TLK1: variants seen among roughly 807,000 people sequenced by gnomAD.
TLK1 encodes the protein tousled like kinase 1.
In TLK1, 24 loss-of-function variants were observed where a neutral mutation model predicts 105.3. The ratio of observed to expected loss-of-function variants is 0.23; its 90% confidence interval spans 0.17 to 0.32. The LOEUF (loss-of-function observed/expected upper bound fraction) is 0.32. TLK1 is among the 10% of genes least tolerant of loss of function. TLK1 has a pLI of 1.00. For missense variants in TLK1, 558 were observed against 910.5 expected (o/e 0.61, Z 4.98); for synonymous variants, 321 against 310.4 (o/e 1.03, Z -0.36).
Position 171,046,378 on chromosome 2 carries a change from C to T in TLK1, c.981-16G>A, listed in dbSNP as rs765465225. 4 of 1,571,714 alleles carry T rather than the reference C, an allele frequency of 2.5e-6. No individual in the cohort carries two copies. Among genetic ancestry groups the T allele is most frequent in the East Asian group, 4.5e-5 (2 of 44,298 alleles). The stretch of plus-strand genomic sequence containing the variant: ...TTCTTGTTGCCTGTGTAAAAATAAA[C>T]AAATAAAACCATATTAACCTTCCAT... On this transcript the variant is annotated splice_polypyrimidine_tract_variant and intron_variant, in intron 10 of 20. Transcript: ENST00000431350.
intron 1 of TLK1, among the ~76,000 whole-genome samples, chr2:171,170,257 A>G (rs1692701575): frequency 6.6e-6 from 1 of 152,254 alleles, no homozygotes. Context: ...AATAAATTAG[A>G]AAAAGCATTA....
chr2:171,160,320 G>C lies in TLK1; in HGVS notation c.109C>G (p.His37Asp), dbSNP rs1390770782. ...SAAAARSLLN[H>D]TPPSGRPREG... ...CTGGGCCTCCCGGATGGCGGCGTGT[G>C]ATTCAGCAGGGACCTGGCCGCCGCC... Residue 37 changes from histidine (H) to aspartate (D), a missense_variant, in exon 1 of 21, where the codon CAC becomes GAC. This residue lies in a region of TLK1 where 104 missense variants were observed against 116.0 expected (regional missense o/e 0.90). Coordinates refer to ENST00000431350, the MANE Select transcript of TLK1 (RefSeq NM_012290.5). The surrounding 1 kb of genome is among the most constrained non-coding windows in gnomAD (Gnocchi z 4.4). The C allele has an allele frequency of 6.3e-7, 1 of 1,592,628 alleles. No individual in the cohort carries two copies. The highest frequency in any genetic ancestry group is 2.4e-5 in the East Asian group (1 of 41,402).
At chr2:171,117,717 T>C in intron 2 of TLK1, 22 bp downstream of exon 2, 1 of 1,573,232 alleles carries the variant, frequency 6.4e-7, no homozygotes, top group Non-Finnish European at 8.7e-7. Context: ...GACTGTCAAA[T>C]AAAGATGAGA....
chr2:171,045,101 G>C (rs892078661), intron 11 of TLK1: 4 of 152,000 alleles, frequency 2.6e-5, no homozygotes, highest in Non-Finnish European at 4.4e-5. Flanking sequence ...GCACAAAGGA[G>C]GTATCAACAG....
intron 1 of TLK1, among the ~76,000 whole-genome samples, chr2:171,125,858 G>A (rs1305293738): frequency 6.6e-6 from 1 of 152,100 alleles, no homozygotes. Flanking sequence ...TTTTAGCCAT[G>A]TAAAAATAGG....
intron 3 of TLK1, 80 bp downstream of exon 3, chr2:171,082,698 CTGA>C (rs1256367870): frequency 5.5e-6 from 6 of 1,095,326 alleles, no homozygotes; most frequent in African/African-American, 3.2e-5. Context: ...AGCAAAAGAA[CTGA>C]TGAAGAAACA....
chr2:171,057,978 A>G (rs1282403369), intron 5 of TLK1, among the ~76,000 whole-genome samples, 173 bp downstream of exon 5: 1 of 152,120 alleles, frequency 6.6e-6, no homozygotes, highest in Non-Finnish European at 1.5e-5. Context: ...ATGATATGGC[A>G]TCCCAATGTA....
At chr2:170,996,481 C>T (rs1017135168) in intron 20 of TLK1, among the ~76,000 whole-genome samples, 172 bp downstream of exon 20, 1 of 152,082 alleles carries the variant, frequency 6.6e-6, no homozygotes, top group Non-Finnish European at 1.5e-5. Flanking sequence ...ACTATAGCAA[C>T]CAGAGGCTGA....
At chr2:171,013,012 A>ATTT (rs71008744) in intron 13 of TLK1, among the ~76,000 whole-genome samples, 1 of 147,884 alleles carries the variant, frequency 6.8e-6, no homozygotes, top group Admixed American at 6.7e-5. Context: ...GCTCTATTAG[A>ATTT]TTTTTTTTTT....
At chr2:171,105,068 G>A (rs1689860968) in intron 2 of TLK1, among the ~76,000 whole-genome samples, 1 of 152,112 alleles carries the variant, frequency 6.6e-6, no homozygotes, top group Non-Finnish European at 1.5e-5. Context: ...AAACCTTAGA[G>A]GAAACACTTC....
chr2:171,077,770 TAAC>T (rs1688577959), intron 3 of TLK1, among the ~76,000 whole-genome samples: 1 of 152,232 alleles, frequency 6.6e-6, no homozygotes, highest in African/African-American at 2.4e-5. Context: ...AAAAACATTA[TAAC>T]AATAGAATAT....
At chr2:171,040,946 T>G (rs951832101) in intron 11 of TLK1, among the ~76,000 whole-genome samples, 3 of 152,144 alleles carry the variant, frequency 2.0e-5, no homozygotes, top group African/African-American at 7.2e-5. Context: ...TTCAATAATA[T>G]ATGAGGTAAA....
At chr2:171,182,433 C>T (rs1692943195) in intron 1 of TLK1, among the ~76,000 whole-genome samples, 1 of 152,150 alleles carries the variant, frequency 6.6e-6, no homozygotes. Context: ...AAGAAATTAG[C>T]TTCACTTCTA....
chr2:171,085,387 T>C (rs368030730), intron 2 of TLK1, among the ~76,000 whole-genome samples: 1 of 146,642 alleles, frequency 6.8e-6, no homozygotes, highest in African/African-American at 2.5e-5. Flanking sequence ...CAAAACTCCA[T>C]CTCAAAAAAA....
Position 171,177,982 on chromosome 2 carries a change from C to T in TLK1, c.-6+53163G>A, listed in dbSNP as rs150229325. Among the ~76,000 whole-genome samples the T allele has an allele frequency of 2.3e-3, 353 of 151,942 alleles. 2 individuals are homozygous for T. The highest frequency in any genetic ancestry group is 8.3e-3 in the African/African-American group (343 of 41,444). On this transcript the variant is annotated intron_variant, in intron 1 of 20. Coordinates refer to the TLK1 transcript ENST00000521943. ...CTAATTTTGTATTTTTTAGTAGAGA[C>T]GGGGTTTCTCCATGTTGGCCAGGCT...
chr2:171,016,226 C>T (rs79259181), intron 12 of TLK1, among the ~76,000 whole-genome samples: 8,867 of 152,270 alleles, frequency 0.058, 377 homozygotes, highest in African/African-American at 0.11. Flanking sequence ...ACTGCAGCCT[C>T]GACCCCGCAA....
intron 3 of TLK1, among the ~76,000 whole-genome samples, chr2:171,077,302 CA>C (rs1346727422): frequency 6.6e-6 from 1 of 152,224 alleles, no homozygotes; most frequent in Non-Finnish European, 1.5e-5. Context: ...TTCACCCATT[CA>C]TTCCTCCTCC....
At chr2:171,017,859 T>C (rs527336583) in intron 12 of TLK1, among the ~76,000 whole-genome samples, 2 of 152,356 alleles carry the variant, frequency 1.3e-5, no homozygotes, top group African/African-American at 4.8e-5. Flanking sequence ...CTTAAATAGA[T>C]AGATATAAAC....
chr2:171,072,104 T>C (rs541623901), intron 3 of TLK1, among the ~76,000 whole-genome samples: 3 of 152,342 alleles, frequency 2.0e-5, no homozygotes, highest in African/African-American at 7.2e-5. Context: ...TATACAAATT[T>C]TAGAATTATT....
Sources: gnomAD v4.1 joint callset for allele counts (sites outside exome capture counted in the v4.1 genomes callset) on GRCh38, gnomAD v4.1.1 for gene constraint, gnomAD v4.1.1 regional missense constraint, Gnocchi (gnomAD v3.1) non-coding constraint, MANE v1.5 for transcripts, NCBI Gene and HGNC (gene_info 2026-07-23, HGNC 2026-07-21) for gene names.